Variants in GLT8D2 observed in about 807,000 individuals in gnomAD.
GLT8D2 encodes glycosyltransferase 8 domain containing 2.
Under a neutral mutation model 44.5 loss-of-function variants are expected in GLT8D2, and 45 were observed. That is an observed-to-expected ratio of 1.01 (90% CI 0.80 to 1.30). GLT8D2 has a LOEUF of 1.30. Among genes scored for constraint, GLT8D2 ranks in the 50% most tolerant of loss-of-function variants. The pLI, the probability that GLT8D2 is intolerant of heterozygous loss-of-function variation, is 0.00. For missense variants in GLT8D2, 400 were observed against 430.4 expected (o/e 0.93, Z 0.62); for synonymous variants, 156 against 157.2 (o/e 0.99, Z 0.06).
chr12:104,012,718 T>C, intron 4 of GLT8D2: 1 of 664,714 alleles, frequency 1.5e-6, no homozygotes, highest in East Asian at 2.8e-5. Flanking sequence ...TTTGTTAACG[T>C]CTTAGCTTCC....
chr12:104,017,318 C>T (rs1445206181), intron 3 of GLT8D2, among the ~76,000 whole-genome samples: 1 of 151,634 alleles, frequency 6.6e-6, no homozygotes, highest in South Asian at 2.1e-4. Flanking sequence ...TAAAATTAGT[C>T]AAAGAAAACA....
intron 8 of GLT8D2, among the ~76,000 whole-genome samples, chr12:103,996,175 AC>A (rs1351279899): frequency 6.6e-6 from 1 of 152,138 alleles, no homozygotes; most frequent in Non-Finnish European, 1.5e-5. Flanking sequence ...TTTCAAAGCT[AC>A]CCCTTCGGTT....
chr12:104,019,160 C>T (rs1420714325), intron 3 of GLT8D2, among the ~76,000 whole-genome samples: 1 of 138,732 alleles, frequency 7.2e-6, no homozygotes, highest in Non-Finnish European at 1.5e-5. Flanking sequence ...CAGGGTCTCA[C>T]TCTGTCTCCC....
intron 1 of GLT8D2, among the ~76,000 whole-genome samples, chr12:104,021,799 G>T (rs1877678320): frequency 1.4e-5 from 2 of 144,748 alleles, no homozygotes; most frequent in Admixed American, 1.4e-4. Flanking sequence ...GAAAAAGAAA[G>T]AAGACAGAGA....
intron 4 of GLT8D2, among the ~76,000 whole-genome samples, chr12:104,008,708 G>A (rs1012532064): frequency 5.9e-5 from 9 of 152,252 alleles, no homozygotes; most frequent in African/African-American, 2.2e-4. Flanking sequence ...CACAGGCCCG[G>A]AGGCCTAGGA....
At chr12:103,995,130 T>C (rs1352445911) in intron 8 of GLT8D2, among the ~76,000 whole-genome samples, 2 of 152,196 alleles carry the variant, frequency 1.3e-5, no homozygotes, top group Non-Finnish European at 2.9e-5. Flanking sequence ...GTTCAGGCCA[T>C]AATTGCCACT....
At chr12:104,057,810 ATTTC>A (rs879945145) in intron 1 of GLT8D2, among the ~76,000 whole-genome samples, 18 of 151,928 alleles carry the variant, frequency 1.2e-4, no homozygotes, top group South Asian at 2.1e-4. Context: ...TCATTTACCT[ATTTC>A]TTTCTTTCTT....
chr12:104,002,780 C>T (rs1031558156), intron 5 of GLT8D2, among the ~76,000 whole-genome samples: 6 of 151,884 alleles, frequency 4.0e-5, no homozygotes, highest in African/African-American at 1.5e-4. Flanking sequence ...TCGCTCTCCA[C>T]AAAAAAATTA....
chr12:104,015,074 C>A lies in GLT8D2; in HGVS notation c.51G>T (p.Val17=). The A allele has an allele frequency of 6.2e-7, 1 of 1,613,886 alleles. No homozygotes were observed. Among genetic ancestry groups the A allele is most frequent in the Non-Finnish European group, 8.5e-7 (1 of 1,179,854 alleles). The change falls in exon 4 of 11, where the codon GTG becomes GTT. Residue 17 remains valine (V), a synonymous_variant. Transcript: ENST00000360814. ...TCTTATACAGAATCACACAGAGGGT[C>A]ACGATCAGAAGGAACAGCAGCACCT... The part of the protein sequence containing the change: ...INQVLLFLLI[V]TLCVILYKKV...
chr12:103,992,836 T>C (rs781434897), intron 10 of GLT8D2, among the ~76,000 whole-genome samples: 16 of 152,182 alleles, frequency 1.1e-4, no homozygotes, highest in Non-Finnish European at 2.1e-4. Context: ...GCACATACTA[T>C]ATGCTAAGCA....
chr12:104,049,225 T>C (rs532692485), intron 1 of GLT8D2, among the ~76,000 whole-genome samples: 1 of 151,938 alleles, frequency 6.6e-6, no homozygotes, highest in South Asian at 2.1e-4. Context: ...GATATCATCA[T>C]GTTTTCTTTC....
chr12:103,994,518 T>C lies in GLT8D2; in HGVS notation c.601-17A>G. The C allele has an allele frequency of 6.3e-7, 1 of 1,578,794 alleles. No homozygotes were observed. The highest frequency in any genetic ancestry group is 8.6e-7 in the Non-Finnish European group (1 of 1,160,884). On this transcript the variant is annotated splice_polypyrimidine_tract_variant and intron_variant, in intron 8 of 10. Transcript: ENST00000360814. ...ATATGTGTTCTGTAAGGGAACAGGA[T>C]GTGCATGCTTTTGACCAGCGAATCT...
At chr12:104,059,897 G>A (rs1486216408) in intron 1 of GLT8D2, among the ~76,000 whole-genome samples, 1 of 152,068 alleles carries the variant, frequency 6.6e-6, no homozygotes, top group South Asian at 2.1e-4. Flanking sequence ...CTCTCTCCTT[G>A]CCAGCCATTG....
intron 1 of GLT8D2, among the ~76,000 whole-genome samples, chr12:104,048,446 C>T (rs11111878): frequency 2.0e-4 from 30 of 152,024 alleles, no homozygotes; most frequent in African/African-American, 7.2e-4. Context: ...TTTCTCAGAA[C>T]TTTCTTTGGA....
At chr12:103,996,034 C>G (rs1873374879) in intron 8 of GLT8D2, among the ~76,000 whole-genome samples, 1 of 152,176 alleles carries the variant, frequency 6.6e-6, no homozygotes, top group South Asian at 2.1e-4. Flanking sequence ...AGTGATAGTG[C>G]CCAGATTTTG....
At chr12:104,028,206 C>G (rs1201002365) in intron 1 of GLT8D2, among the ~76,000 whole-genome samples, 1 of 152,118 alleles carries the variant, frequency 6.6e-6, no homozygotes, top group East Asian at 1.9e-4. Flanking sequence ...TGTAGGAAAC[C>G]TTAAGCCATA....
At chr12:104,009,069 TC>T (rs1457198346) in intron 4 of GLT8D2, among the ~76,000 whole-genome samples, 10 of 151,914 alleles carry the variant, frequency 6.6e-5, no homozygotes, top group African/African-American at 1.9e-4. Context: ...CCACGCAGAG[TC>T]CCTACTGGGG....
At chr12:104,018,800 T>C (rs1317560761) in intron 3 of GLT8D2, among the ~76,000 whole-genome samples, 4 of 152,148 alleles carry the variant, frequency 2.6e-5, no homozygotes, top group African/African-American at 9.7e-5. Context: ...TTATCTGAAG[T>C]TCAAATTTAA....
intron 1 of GLT8D2, among the ~76,000 whole-genome samples, chr12:104,058,689 G>A (rs1409823804): frequency 6.6e-6 from 1 of 152,182 alleles, no homozygotes; most frequent in Non-Finnish European, 1.5e-5. Context: ...AACCCCAAAT[G>A]AAACAGTCCA....
Sources: allele counts gnomAD v4.1 joint callset (sites outside exome capture counted in the v4.1 genomes callset), GRCh38; gene constraint gnomAD v4.1.1; transcripts MANE v1.5; gene names NCBI Gene and HGNC (gene_info 2026-07-23, HGNC 2026-07-21).